Variants in PLXNA4 observed in about 807,000 individuals in gnomAD.
PLXNA4 encodes the protein plexin-A4.
PLXNA4 carries 44 observed loss-of-function variants against 191.8 expected under a neutral mutation model. The observed-to-expected ratio is 0.23, with a 90% confidence interval of 0.18 to 0.29. PLXNA4 has a LOEUF of 0.29. Ranked by LOEUF, PLXNA4 falls within the 10% of genes least tolerant of loss-of-function variation. The pLI, the probability that PLXNA4 is intolerant of heterozygous loss-of-function variation, is 1.00. For synonymous variants in PLXNA4, 1,082 were observed against 1,009.5 expected, an observed-to-expected ratio of 1.07 and a Z score of -1.36; for missense variants, 1,800 against 2,488.8, an observed-to-expected ratio of 0.72 and a Z score of 5.89.
intron 3 of PLXNA4, among the ~76,000 whole-genome samples, chr7:132,398,457 G>T (rs555595976): frequency 3.9e-5 from 6 of 152,204 alleles, no homozygotes; most frequent in Non-Finnish European, 7.3e-5. Flanking sequence ...AGGGCCCTGG[G>T]TGTGCGGGAG....
intron 3 of PLXNA4, among the ~76,000 whole-genome samples, chr7:132,369,923 C>G (rs893396511): frequency 6.6e-6 from 1 of 152,000 alleles, no homozygotes; most frequent in Non-Finnish European, 1.5e-5. Flanking sequence ...AAAAAATTAG[C>G]CGGGTGTGGT....
Position 132,421,098 on chromosome 7 carries a change from C to A in PLXNA4, c.1371+68194G>T, listed in dbSNP as rs142302241. On this transcript the variant is annotated intron_variant, in intron 3 of 31. Coordinates refer to ENST00000321063, the MANE Select transcript of PLXNA4 (RefSeq NM_020911.2). ...CCCTGCTAAACTCTATGATCCTATT[C>A]CCCTGTCCCCCAGCTCTTGGCAACT... is the stretch of plus-strand genomic sequence containing the variant. Among the ~76,000 whole-genome samples, 145 of 152,294 alleles carry A rather than the reference C, an allele frequency of 9.5e-4. No individual in the cohort carries two copies. In the Middle Eastern group the frequency reaches 0.014, roughly 14 times the overall value.
intron 1 of PLXNA4, among the ~76,000 whole-genome samples, chr7:132,646,309 A>G (rs1803865569): frequency 6.6e-6 from 1 of 152,078 alleles, no homozygotes; most frequent in Non-Finnish European, 1.5e-5. Context: ...CTCCACCCTC[A>G]GTCTCTTCCA....
At chr7:132,159,682 A>G (rs1795891469) in intron 24 of PLXNA4, 50 bp from the exon 25 acceptor site, 2 of 1,604,702 alleles carry the variant, frequency 1.2e-6, no homozygotes, top group Non-Finnish European at 1.7e-6. Flanking sequence ...TAGCAGGAAA[A>G]GCTCCTAGAT....
intron 15 of PLXNA4, among the ~76,000 whole-genome samples, chr7:132,186,029 A>G (rs976850718): frequency 6.6e-6 from 1 of 152,154 alleles, no homozygotes; most frequent in Admixed American, 6.5e-5. Context: ...TTGTTTCTTT[A>G]ACACTACTGA....
intron 2 of PLXNA4, among the ~76,000 whole-genome samples, chr7:132,605,972 T>C (rs1802916742): frequency 6.6e-6 from 1 of 152,108 alleles, no homozygotes; most frequent in South Asian, 2.1e-4. Context: ...GAGACAAGCC[T>C]GGCCAACATG....
At chr7:132,427,970 C>T (rs886325979) in intron 3 of PLXNA4, among the ~76,000 whole-genome samples, 4 of 152,210 alleles carry the variant, frequency 2.6e-5, no homozygotes, top group Admixed American at 6.5e-5. Flanking sequence ...CACATCCCCT[C>T]TCCTCTCCCC....
chr7:132,478,891 C>T (rs1162213905), intron 3 of PLXNA4, among the ~76,000 whole-genome samples: 1 of 152,114 alleles, frequency 6.6e-6, no homozygotes, highest in Non-Finnish European at 1.5e-5. Context: ...AAAGACAACC[C>T]ATCTCTTTCC....
intron 2 of PLXNA4, among the ~76,000 whole-genome samples, chr7:132,589,181 G>A (rs1244945579): frequency 6.6e-6 from 1 of 152,162 alleles, no homozygotes. Flanking sequence ...GGGGGTTTCA[G>A]GTGAGTAGGG....
chr7:132,132,469 TCTGCTCTGCTCTGCTCTGC>T (rs1563048378), intron 31 of PLXNA4, among the ~76,000 whole-genome samples: 1,186 of 41,270 alleles, frequency 0.029, 71 homozygotes, highest in East Asian at 0.065. Flanking sequence ...TCTGTTCTGC[TCTGCTCTGCTCTGCTCTGC>T]TCTATTCTTT....
At chr7:132,132,176 A>G (rs1794947082) in intron 31 of PLXNA4, among the ~76,000 whole-genome samples, 1 of 152,182 alleles carries the variant, frequency 6.6e-6, no homozygotes, top group Non-Finnish European at 1.5e-5. Flanking sequence ...GTGCCCCTGC[A>G]CATGCCTGTG....
At chr7:132,350,158 C>A (rs1334932377) in intron 3 of PLXNA4, among the ~76,000 whole-genome samples, 1 of 152,130 alleles carries the variant, frequency 6.6e-6, no homozygotes, top group Non-Finnish European at 1.5e-5. Context: ...GGTTTAAATT[C>A]TGTTCACAAG....
chr7:132,265,848 C>G (rs1799832026), intron 4 of PLXNA4, among the ~76,000 whole-genome samples: 1 of 152,154 alleles, frequency 6.6e-6, no homozygotes, highest in Non-Finnish European at 1.5e-5. Flanking sequence ...TCCCAAAGGG[C>G]TTGGGGAATC....
At chr7:132,521,468 G>A (rs1360672512) in intron 1 of PLXNA4, among the ~76,000 whole-genome samples, 5 of 152,182 alleles carry the variant, frequency 3.3e-5, no homozygotes, top group Non-Finnish European at 1.5e-5. Context: ...GTGCTTTAAG[G>A]ATTTGGGTCC....
rs749111221 is a variant in PLXNA4 at position 132,185,397 on chromosome 7, C to T, written c.3060G>A (p.Ser1020=). ...GGATCTTGGCCCTGTCCACCTGCACCGACACCTTCATCTCTAGCACCTCAT... is the reference window on the plus strand; with the variant it reads ...GGATCTTGGCCCTGTCCACCTGCACTGACACCTTCATCTCTAGCACCTCAT... The part of the protein sequence containing the change: ...SSDEVLEMKV[S]VQVDRAKIHQ... The change falls in exon 16 of 32, where the codon TCG becomes TCA. Residue 1020 remains serine (S), a synonymous_variant. Transcript: ENST00000321063. 9.3e-6 allele frequency: 15 copies of T among 1,614,082 alleles called. No individual in the cohort carries two copies. Among genetic ancestry groups the T allele is most frequent in the South Asian group, 5.5e-5 (5 of 91,076 alleles).
intron 2 of PLXNA4, among the ~76,000 whole-genome samples, chr7:132,618,102 T>C (rs963912161): frequency 1.3e-5 from 2 of 152,072 alleles, no homozygotes; most frequent in Non-Finnish European, 2.9e-5. Context: ...CAGAATTGAG[T>C]CGTATGGCCA....
intron 10 of PLXNA4, among the ~76,000 whole-genome samples, chr7:132,206,913 G>A (rs1471373809): frequency 6.6e-6 from 1 of 152,156 alleles, no homozygotes; most frequent in African/African-American, 2.4e-5. Context: ...CTGGAGGCCG[G>A]GAGGTTAAGT....
intron 2 of PLXNA4, among the ~76,000 whole-genome samples, chr7:132,595,969 T>C (rs1802703829): frequency 6.6e-6 from 1 of 152,208 alleles, no homozygotes; most frequent in African/African-American, 2.4e-5. Context: ...TTCCATTATA[T>C]TATCTAACAT....
At chr7:132,251,046 C>G (rs549962540) in intron 4 of PLXNA4, among the ~76,000 whole-genome samples, 1 of 128,382 alleles carries the variant, frequency 7.8e-6, no homozygotes, top group Admixed American at 8.6e-5. Context: ...TGCTCCTGTT[C>G]CAGCCTTTTT....
Sources: allele counts gnomAD v4.1 joint callset (sites outside exome capture counted in the v4.1 genomes callset), GRCh38; gene constraint gnomAD v4.1.1; transcripts MANE v1.5; gene names NCBI Gene and HGNC (gene_info 2026-07-23, HGNC 2026-07-21).